The following ZNRF1 variants were observed in gnomAD, a reference collection of about 807,000 sequenced individuals.
ZNRF1 encodes E3 ubiquitin-protein ligase ZNRF1.
ZNRF1 carries 3 observed loss-of-function variants against 18.4 expected under a neutral mutation model. That is an observed-to-expected ratio of 0.16 (90% CI 0.07 to 0.42). The LOEUF (loss-of-function observed/expected upper bound fraction) is 0.42. Ranked by LOEUF, ZNRF1 falls within the 10% of genes least tolerant of loss-of-function variation. The pLI, the probability that ZNRF1 is intolerant of heterozygous loss-of-function variation, is 0.99. For synonymous variants in ZNRF1, 157 were observed against 144.2 expected, an observed-to-expected ratio of 1.09 and a Z score of -0.64; for missense variants, 310 against 329.8, an observed-to-expected ratio of 0.94 and a Z score of 0.47.
At chr16:75,068,779 G>A (rs1032342233) in intron 1 of ZNRF1, among the ~76,000 whole-genome samples, 2 of 151,856 alleles carry the variant, frequency 1.3e-5, no homozygotes, top group Non-Finnish European at 2.9e-5. Context: ...AAGTGAAATC[G>A]CCCTGATCCA....
In ZNRF1 at chr16:75,027,563, C is replaced by T. The variant is rs1381891128; in HGVS notation, c.424+27468C>T. On this transcript the variant is annotated intron_variant, in intron 1 of 4. Transcript: ENST00000335325. ...TACAGCCCATTGAACCTATTTTCTT[C>T]TCCCTTTCCCTCACGCCCTCATGCC... Among the ~76,000 whole-genome samples the T allele has an allele frequency of 3.9e-5, 6 of 152,260 alleles. No homozygotes were observed. The South Asian group carries it at 1.2e-3, about 32-fold the overall frequency.
intron 1 of ZNRF1, among the ~76,000 whole-genome samples, chr16:75,026,210 C>T (rs1038411338): frequency 5.3e-5 from 8 of 151,904 alleles, no homozygotes; most frequent in East Asian, 1.9e-4. Flanking sequence ...TGTGTTTAAA[C>T]GAACATTTAA....
chr16:75,022,116 A>C (rs1461082476), intron 1 of ZNRF1, among the ~76,000 whole-genome samples: 2 of 152,100 alleles, frequency 1.3e-5, no homozygotes, highest in Non-Finnish European at 2.9e-5. Context: ...GTGGGCTGGC[A>C]TGGTGGTGGG....
At chr16:75,016,699 C>CTTTTT (rs35899706) in intron 1 of ZNRF1, among the ~76,000 whole-genome samples, 35 of 99,480 alleles carry the variant, frequency 3.5e-4, no homozygotes, top group Admixed American at 7.1e-4. Flanking sequence ...CCATGCCTGG[C>CTTTTT]TTTTTTTTTT....
chr16:75,005,417 A>G (rs1473689509), intron 1 of ZNRF1, among the ~76,000 whole-genome samples: 1 of 152,232 alleles, frequency 6.6e-6, no homozygotes, highest in Non-Finnish European at 1.5e-5. Flanking sequence ...ACCCACCTCA[A>G]TATATCATGT....
chr16:75,033,992 A>T (rs1398055606), intron 1 of ZNRF1, among the ~76,000 whole-genome samples: 1 of 1,170 alleles, frequency 8.5e-4, no homozygotes, highest in Non-Finnish European at 3.4e-3. Context: ...ACTAAAATAC[A>T]AAAAAAAAAA....
At chr16:75,049,311 C>G (rs1304250997) in intron 1 of ZNRF1, among the ~76,000 whole-genome samples, 1 of 151,760 alleles carries the variant, frequency 6.6e-6, no homozygotes, top group Non-Finnish European at 1.5e-5. Flanking sequence ...GCCTGGAATC[C>G]TTTTTTTTAT....
chr16:75,045,754 C>T (rs1478891282), intron 1 of ZNRF1, among the ~76,000 whole-genome samples: 1 of 145,168 alleles, frequency 6.9e-6, no homozygotes, highest in Non-Finnish European at 1.5e-5. Flanking sequence ...AGGGCTAATT[C>T]ACCCAGGCTG....
Position 75,005,723 on chromosome 16 carries a change from G to A in ZNRF1, c.424+5628G>A, listed in dbSNP as rs149781726. 2.4e-4 allele frequency among the ~76,000 whole-genome samples: 36 copies of A among 152,194 alleles called. No individual in the cohort carries two copies. The East Asian group carries it at 3.3e-3, about 14-fold the overall frequency. ...TATAAATTAGGCACAATAAAAGCTCGACAGCAGTAACTAATAATAGAACAA... is the reference window on the plus strand; with the variant it reads ...TATAAATTAGGCACAATAAAAGCTCAACAGCAGTAACTAATAATAGAACAA... On this transcript the variant is annotated intron_variant, in intron 1 of 4. Transcript: ENST00000335325.
At chr16:75,079,868 C>T (rs557880387) in intron 1 of ZNRF1, among the ~76,000 whole-genome samples, 6 of 152,172 alleles carry the variant, frequency 3.9e-5, no homozygotes, top group Admixed American at 2.0e-4. Context: ...AGTGTAGCTG[C>T]GTGCCAGGAC....
At chr16:75,016,307 C>T (rs1357093125) in intron 1 of ZNRF1, among the ~76,000 whole-genome samples, 15 of 151,800 alleles carry the variant, frequency 9.9e-5, no homozygotes, top group African/African-American at 1.5e-4. Flanking sequence ...GGCGTTATCT[C>T]GGCTCACTGC....
chr16:75,017,316 A>G (rs2035085629), intron 1 of ZNRF1, among the ~76,000 whole-genome samples: 1 of 152,252 alleles, frequency 6.6e-6, no homozygotes, highest in South Asian at 2.1e-4. Context: ...ATTTGGGCTT[A>G]TCCATGAATC....
chr16:75,108,849 C>G lies in ZNRF1; in HGVS notation c.*1149C>G. The G allele has an allele frequency of 3.2e-6, 1 of 314,358 alleles. No individual in the cohort carries two copies. Among genetic ancestry groups the G allele is most frequent in the Non-Finnish European group, 5.7e-6 (1 of 175,254 alleles). The allele number at this position is 314,358 out of a possible 1,614,324, so 19.5% of individuals were successfully genotyped here. ...GGCTCCAGGTGTGTGAATTGGTCCTCAGATAGTCAGGCCTGGGTGGAGGGA... is the reference window on the plus strand; with the variant it reads ...GGCTCCAGGTGTGTGAATTGGTCCTGAGATAGTCAGGCCTGGGTGGAGGGA... On this transcript the variant is annotated 3_prime_UTR_variant, in exon 5 of 5. Coordinates refer to ENST00000335325, the MANE Select transcript of ZNRF1 (RefSeq NM_032268.5).
chr16:75,037,285 C>G (rs2035387079), intron 1 of ZNRF1, among the ~76,000 whole-genome samples: 1 of 152,102 alleles, frequency 6.6e-6, no homozygotes, highest in Non-Finnish European at 1.5e-5. Flanking sequence ...ATTTATTAAA[C>G]AAGGCAGCCG....
At chr16:75,001,904 G>T (rs1287331778) in intron 1 of ZNRF1, among the ~76,000 whole-genome samples, 1 of 152,168 alleles carries the variant, frequency 6.6e-6, no homozygotes, top group South Asian at 2.1e-4. Context: ...ATCATGGTGA[G>T]GGTAGGGAGA....
chr16:75,059,229 C>CTTTTTTTTTTTTTTCT (rs2035709085), intron 1 of ZNRF1, among the ~76,000 whole-genome samples: 7 of 92,880 alleles, frequency 7.5e-5, no homozygotes, highest in Admixed American at 1.4e-4. Context: ...TTCTTTCTTT[C>CTTTTTTTTTTTTTTCT]TTTTTTTTTT....
At chr16:75,021,281 C>T (rs1365177377) in intron 1 of ZNRF1, among the ~76,000 whole-genome samples, 1 of 152,160 alleles carries the variant, frequency 6.6e-6, no homozygotes, top group African/African-American at 2.4e-5. Context: ...TCAAGTGATC[C>T]ATCTGCCTCG....
chr16:75,083,280 C>T (rs1385148448), intron 1 of ZNRF1, among the ~76,000 whole-genome samples: 1 of 152,236 alleles, frequency 6.6e-6, no homozygotes, highest in Admixed American at 6.5e-5. Flanking sequence ...AGTCACACAT[C>T]CATCCTTGGT....
chr16:75,106,467 G>C lies in ZNRF1; in HGVS notation c.627-15G>C. 6.2e-7 allele frequency: 1 copy of C among 1,614,006 alleles called. No individual in the cohort carries two copies. Among genetic ancestry groups the C allele is most frequent in the Non-Finnish European group, 8.5e-7 (1 of 1,179,986 alleles). ...AGCAGGTAACGTGGTTTCCCTTGCG[G>C]CCCCCTCCTCCCAGCTGCATAGACT... On this transcript the variant is annotated splice_polypyrimidine_tract_variant and intron_variant, in intron 3 of 4. Transcript: ENST00000335325.
Sources: gnomAD v4.1 joint callset for allele counts (sites outside exome capture counted in the v4.1 genomes callset) on GRCh38, gnomAD v4.1.1 for gene constraint, MANE v1.5 for transcripts, NCBI Gene and HGNC (gene_info 2026-07-23, HGNC 2026-07-21) for gene names.